The following CACNA2D4 variants were observed in gnomAD, a reference collection of about 807,000 sequenced individuals.
CACNA2D4 encodes the protein calcium voltage-gated channel auxiliary subunit alpha2delta 4, also known as voltage-dependent calcium channel subunit alpha-2/delta-4.
CACNA2D4 carries 157 observed loss-of-function variants against 163.8 expected under a neutral mutation model. That is an observed-to-expected ratio of 0.96 (90% CI 0.84 to 1.09). The LOEUF (loss-of-function observed/expected upper bound fraction) is 1.09. Ranked by LOEUF, CACNA2D4 falls within the 50% of genes least tolerant of loss-of-function variation. CACNA2D4 has a pLI of 0.00. For synonymous variants in CACNA2D4, 598 were observed against 586.9 expected, an observed-to-expected ratio of 1.02 and a Z score of -0.27; for missense variants, 1,410 against 1,479.9, an observed-to-expected ratio of 0.95 and a Z score of 0.78.
At chr12:1,885,824 G>C in intron 9 of CACNA2D4, 141 bp downstream of exon 9, 1 of 649,870 alleles carries the variant, frequency 1.5e-6, no homozygotes, top group Non-Finnish European at 2.7e-6. Context: ...TGGGTTGTTT[G>C]CATGGGTAAC....
chr12:1,881,772 G>C (rs1252914607), intron 13 of CACNA2D4, among the ~76,000 whole-genome samples: 1 of 152,286 alleles, frequency 6.6e-6, no homozygotes, highest in Non-Finnish European at 1.5e-5. Flanking sequence ...GTGATGGTCA[G>C]ATGACATCTG....
chr12:1,867,396 T>C (rs1865675660), intron 18 of CACNA2D4, among the ~76,000 whole-genome samples: 1 of 152,172 alleles, frequency 6.6e-6, no homozygotes, highest in South Asian at 2.1e-4. Flanking sequence ...TCTGTCTTTT[T>C]CCCCATTTTC....
rs1565692643 is a variant in CACNA2D4 at position 1,828,285 on chromosome 12, C to T, written c.2551+12454G>A. The T allele has an allele frequency of 4.6e-6, 6 of 1,311,568 alleles. No homozygotes were observed. Among genetic ancestry groups the T allele is most frequent in the Admixed American group, 2.4e-5 (1 of 41,202 alleles). The allele number at this position is 1,311,568 out of a possible 1,614,324, so 81.2% of individuals were successfully genotyped here. A position where few individuals can be genotyped will look rare whatever the true frequency, so the allele number is the denominator to read the frequency against. On this transcript the variant is annotated intron_variant, in intron 26 of 37. Coordinates refer to ENST00000382722, the MANE Select transcript of CACNA2D4 (RefSeq NM_172364.5). This position sits in a 1 kb window ranked among gnomAD's most constrained non-coding sequence, Gnocchi z 4.2. ...GGTGCCGAGGTGACTGTAGGTAGCG[C>T]CATATGGGACCTTAGCCACACTCAG...
Position 1,882,941 on chromosome 12 carries a change from GCAGGTATTC to G in CACNA2D4, c.1402_1410del (p.Glu468_Leu470del). ...ATGACCATGGGGCGGCTGAGCACGT[GCAGGTATTC>G]CATCACGTTCTCCTGGGTGTCCGCC... On this transcript the variant is annotated inframe_deletion, in exon 13 of 38. Coordinates refer to ENST00000382722, the MANE Select transcript of CACNA2D4 (RefSeq NM_172364.5). 6.2e-7 allele frequency: 1 copy of G among 1,613,584 alleles called. No homozygotes were observed. Among genetic ancestry groups the G allele is most frequent in the Non-Finnish European group, 8.5e-7 (1 of 1,179,734 alleles).
At position 1,883,094 on chromosome 12, in the gene CACNA2D4, T is replaced by C. The variant is rs1049348771; in HGVS notation, c.1352-94A>G. The C allele has an allele frequency of 2.7e-5, 37 of 1,356,316 alleles. No individual in the cohort carries two copies. The highest frequency in any genetic ancestry group is 2.0e-4 in the Middle Eastern group (1 of 5,040). The allele number at this position is 1,356,316 out of a possible 1,614,324, so 84.0% of individuals were successfully genotyped here. ...ACCCTCCCCAGCTGCAGATGGCTCATAGCCGAATACTCTCTGGAAACTGGA... is the reference window on the plus strand; with the variant it reads ...ACCCTCCCCAGCTGCAGATGGCTCACAGCCGAATACTCTCTGGAAACTGGA... On this transcript the variant is annotated intron_variant, in intron 12 of 37. Transcript: ENST00000382722. This position sits in a 1 kb window ranked among gnomAD's most constrained non-coding sequence, Gnocchi z 4.5.
intron 18 of CACNA2D4, among the ~76,000 whole-genome samples, chr12:1,867,349 A>T (rs975177741): frequency 1.3e-5 from 2 of 151,734 alleles, no homozygotes; most frequent in African/African-American, 4.8e-5. Context: ...AGACCACTTG[A>T]TACCATCTCA....
At chr12:1,911,515 C>G (rs1258259978) in intron 3 of CACNA2D4, among the ~76,000 whole-genome samples, 2 of 151,984 alleles carry the variant, frequency 1.3e-5, no homozygotes, top group Non-Finnish European at 2.9e-5. Context: ...CCACTCTCAG[C>G]CTACAGATCC....
At position 1,802,041 on chromosome 12, in the gene CACNA2D4, G is replaced by GTGTA. The variant is rs1863353738; in HGVS notation, c.2722-398_2722-397insTACA. On this transcript the variant is annotated intron_variant, in intron 29 of 37. Transcript: ENST00000382722. The surrounding 1 kb of genome is among the most constrained non-coding windows in gnomAD (Gnocchi z 4.7). ...TGTGTGTGTGTGTGTGTGTGTGTGT[G>GTGTA]TGTGTGTGTGTGTGTGTGTTGGGTC... Among the ~76,000 whole-genome samples the GTGTA allele has an allele frequency of 6.6e-6, 1 of 151,936 alleles. No individual in the cohort carries two copies. The highest frequency in any genetic ancestry group is 2.1e-4 in the South Asian group (1 of 4,786).
rs188838230 is a variant in CACNA2D4 at position 1,812,568 on chromosome 12, C to T, written c.2552-845G>A. 2.6e-5 allele frequency among the ~76,000 whole-genome samples: 4 copies of T among 152,366 alleles called. No individual in the cohort carries two copies. The East Asian group carries it at 7.7e-4, about 29-fold the overall frequency. On this transcript the variant is annotated intron_variant, in intron 26 of 37. Transcript: ENST00000382722. ...CTGGTATAATAATATCAAAACTGCG[C>T]TGGGCGCTTAGAACGTGTCCAGCAC...
At chr12:1,854,100 C>G in intron 22 of CACNA2D4, 56 bp from the exon 23 acceptor site, 1 of 1,281,478 alleles carries the variant, frequency 7.8e-7, no homozygotes, top group Non-Finnish European at 1.1e-6. Context: ...CTCATGAACA[C>G]AACTCTCCCA....
chr12:1,839,639 G>A (rs1228375217), intron 26 of CACNA2D4, among the ~76,000 whole-genome samples: 2 of 152,212 alleles, frequency 1.3e-5, no homozygotes, highest in Non-Finnish European at 2.9e-5. Context: ...CCTTCACTGG[G>A]TCACCCCAAG....
rs771852179 is a variant in CACNA2D4 at position 1,846,708 on chromosome 12, G to T, written c.2247-19C>A. 3 of 1,573,800 alleles carry T rather than the reference G, an allele frequency of 1.9e-6. No homozygotes were observed. The highest frequency in any genetic ancestry group is 2.3e-5 in the South Asian group (2 of 86,310). ...AGACTCCCTGTGTGGCAGACAGAGC[G>T]GGAATGGTCACCACATGGCTGTGGC... On this transcript the variant is annotated intron_variant, in intron 23 of 37. Coordinates refer to ENST00000382722, the MANE Select transcript of CACNA2D4 (RefSeq NM_172364.5).
In CACNA2D4 at chr12:1,918,527, C is replaced by A. The variant is rs184264198; in HGVS notation, c.-54G>T. The A allele has an allele frequency of 9.1e-6, 13 of 1,422,104 alleles. No homozygotes were observed. Among genetic ancestry groups the A allele is most frequent in the South Asian group, 1.3e-5 (1 of 79,266 alleles). The allele number at this position is 1,422,104 out of a possible 1,614,324, so 88.1% of individuals were successfully genotyped here. ...CAGGACGCCCCAGGCCTTTGTCTTC[C>A]GTGCCTTGGCGAGCCTGGGGTCTCC... is the stretch of plus-strand genomic sequence containing the variant. On this transcript the variant is annotated 5_prime_UTR_variant, in exon 1 of 38. Coordinates refer to ENST00000382722, the MANE Select transcript of CACNA2D4 (RefSeq NM_172364.5).
chr12:1,876,631 G>C (rs1309099777), intron 16 of CACNA2D4, among the ~76,000 whole-genome samples: 1 of 152,158 alleles, frequency 6.6e-6, no homozygotes, highest in Non-Finnish European at 1.5e-5. Flanking sequence ...CTTTTTTCGG[G>C]GAAGTGTCGT....
rs1565734677 is a variant in CACNA2D4 at position 1,896,635 on chromosome 12, ACACAC to A, written c.782-9571_782-9567del. Among the ~76,000 whole-genome samples the A allele has an allele frequency of 7.1e-4, 102 of 143,954 alleles. 1 individual carries two copies. In the East Asian group the frequency reaches 0.013, roughly 18 times the overall value. The allele number at this position is 143,954 out of a possible 152,430, so 94.4% of individuals were successfully genotyped here. ...CACACACACACACACACACACACAC[ACACAC>A]ACACACACACACACAAAACAGATGC... On this transcript the variant is annotated intron_variant, in intron 6 of 37. Transcript: ENST00000382722.
chr12:1,836,211 G>C (rs1011512818), intron 26 of CACNA2D4: 1 of 152,634 alleles, frequency 6.6e-6, no homozygotes, highest in African/African-American at 2.4e-5. Context: ...AAGTTTTCCA[G>C]GTTACCTGTC....
intron 23 of CACNA2D4, among the ~76,000 whole-genome samples, chr12:1,851,583 AG>A (rs1315437490): frequency 6.7e-6 from 1 of 149,182 alleles, no homozygotes; most frequent in Non-Finnish European, 1.5e-5. Context: ...TAAACCTCAG[AG>A]GCTTTGTCAT....
At chr12:1,817,477 C>A (rs58647180) in intron 26 of CACNA2D4, among the ~76,000 whole-genome samples, 4,183 of 152,118 alleles carry the variant, frequency 0.027, 184 homozygotes, top group African/African-American at 0.095. Context: ...TCTCCCCTCT[C>A]CCCTCTCCCC....
chr12:1,824,965 G>A (rs1403049119), intron 26 of CACNA2D4, among the ~76,000 whole-genome samples: 1 of 152,260 alleles, frequency 6.6e-6, no homozygotes, highest in Non-Finnish European at 1.5e-5. Flanking sequence ...CAGGGAGGCA[G>A]GATTAGCTGC....
Sources: gnomAD v4.1 joint callset for allele counts (sites outside exome capture counted in the v4.1 genomes callset) on GRCh38, gnomAD v4.1.1 for gene constraint, Gnocchi (gnomAD v3.1) non-coding constraint, MANE v1.5 for transcripts, NCBI Gene and HGNC (gene_info 2026-07-23, HGNC 2026-07-21) for gene names.